Variants in ADAMTSL1 observed in about 807,000 individuals in gnomAD.
ADAMTSL1 encodes ADAMTS-like protein 1.
In ADAMTSL1, 126 loss-of-function variants were observed where a neutral mutation model predicts 201.8. The ratio of observed to expected loss-of-function variants is 0.62; its 90% CI spans 0.54 to 0.72. The LOEUF (loss-of-function observed/expected upper bound fraction) is 0.72, where lower values mean the gene tolerates loss of function less well. Among genes scored for constraint, ADAMTSL1 ranks in the 30% least tolerant of loss-of-function variants. The pLI, the probability that ADAMTSL1 is intolerant of heterozygous loss-of-function variation, is 0.00. For synonymous variants in ADAMTSL1, 1,121 were observed against 903.4 expected (o/e 1.24, Z -4.32); for missense variants, 2,679 against 2,277.8 (o/e 1.18, Z -3.59).
At chr9:18,783,220 G>C (rs1006501817) in intron 19 of ADAMTSL1, among the ~76,000 whole-genome samples, 4 of 152,196 alleles carry the variant, frequency 2.6e-5, no homozygotes, top group African/African-American at 9.6e-5. Flanking sequence ...AAACCTTCAA[G>C]TGCTGGTGTA....
chr9:18,099,326 AATATATATATATAT>A (rs71333027), intron 1 of ADAMTSL1, among the ~76,000 whole-genome samples: 7 of 57,590 alleles, frequency 1.2e-4, no homozygotes, highest in African/African-American at 4.8e-4. Context: ...GCAAATGGAA[AATATATATATATAT>A]ATATATATAT....
intron 3 of ADAMTSL1, among the ~76,000 whole-genome samples, chr9:18,547,922 C>G (rs1479001198): frequency 2.0e-5 from 3 of 151,654 alleles, no homozygotes; most frequent in East Asian, 3.9e-4. Context: ...AAAAGGAAAA[C>G]AAACAGCTTT....
At chr9:18,220,988 T>C (rs1830236514) in intron 2 of ADAMTSL1, among the ~76,000 whole-genome samples, 1 of 152,124 alleles carries the variant, frequency 6.6e-6, no homozygotes, top group Admixed American at 6.6e-5. Flanking sequence ...TTGCCCAGGC[T>C]GGTCTCAAAC....
chr9:18,146,970 T>C (rs1236105501), intron 1 of ADAMTSL1, among the ~76,000 whole-genome samples: 1 of 152,166 alleles, frequency 6.6e-6, no homozygotes, highest in Non-Finnish European at 1.5e-5. Flanking sequence ...TTTCTCCTTT[T>C]AGACTCTATC....
intron 18 of ADAMTSL1, 78 bp downstream of exon 18, chr9:18,775,974 C>T (rs1820961436): frequency 6.6e-7 from 1 of 1,520,030 alleles, no homozygotes. Context: ...CGTGGCCTTC[C>T]CTAAACTCAA....
rs976854639 is a variant in ADAMTSL1, at chr9:18,409,630, T to C, written c.208-95199T>C. Among the ~76,000 whole-genome samples, 4 of 151,034 alleles carry C rather than the reference T, an allele frequency of 2.6e-5. No homozygotes were observed. The East Asian group carries it at 7.9e-4, about 30-fold the overall frequency. Reference sequence around the variant, plus strand: ...GATATTCTCAGTTTAAACTGTTTTTTTGTGTTCTTTTCCTAGTTCTATTAT... The same window carrying C: ...GATATTCTCAGTTTAAACTGTTTTTCTGTGTTCTTTTCCTAGTTCTATTAT... On this transcript the variant is annotated intron_variant, in intron 2 of 29. Coordinates refer to the ADAMTSL1 transcript ENST00000680146.
intron 3 of ADAMTSL1, among the ~76,000 whole-genome samples, chr9:18,560,370 G>T (rs148999762): frequency 6.6e-6 from 1 of 152,230 alleles, no homozygotes; most frequent in African/African-American, 2.4e-5. Flanking sequence ...ACTTGTTCGT[G>T]GTGGATAAGC....
intron 1 of ADAMTSL1, among the ~76,000 whole-genome samples, chr9:17,926,399 G>A (rs530169694): frequency 1.3e-5 from 2 of 152,164 alleles, no homozygotes; most frequent in East Asian, 1.9e-4. Context: ...TCACCACTCG[G>A]CCACATCACC....
intron 2 of ADAMTSL1, among the ~76,000 whole-genome samples, chr9:18,351,040 T>C (rs1396204246): frequency 6.6e-6 from 1 of 152,156 alleles, no homozygotes; most frequent in Admixed American, 6.5e-5. Flanking sequence ...GAGACTTAGC[T>C]ATTTGTAACC....
At chr9:18,117,896 A>C (rs1427981890) in intron 1 of ADAMTSL1, among the ~76,000 whole-genome samples, 2 of 152,160 alleles carry the variant, frequency 1.3e-5, no homozygotes, top group Non-Finnish European at 2.9e-5. Context: ...TAGCCACATG[A>C]GGGTTACAAA....
intron 2 of ADAMTSL1, among the ~76,000 whole-genome samples, chr9:18,379,489 T>C (rs1405252500): frequency 6.6e-6 from 1 of 152,212 alleles, no homozygotes; most frequent in Non-Finnish European, 1.5e-5. Flanking sequence ...TTCTATTTTG[T>C]AGAATGGAAG....
intron 4 of ADAMTSL1, among the ~76,000 whole-genome samples, chr9:18,582,535 G>T (rs1394786107): frequency 1.3e-5 from 2 of 152,104 alleles, no homozygotes; most frequent in Non-Finnish European, 2.9e-5. Context: ...TGAGTCTCAT[G>T]AGATCTGATG....
intron 1 of ADAMTSL1, among the ~76,000 whole-genome samples, chr9:18,020,470 G>A (rs1285728400): frequency 3.3e-5 from 5 of 152,002 alleles, no homozygotes; most frequent in Non-Finnish European, 5.9e-5. Context: ...CCTGCCAACA[G>A]CCATGTGAGT....
At position 18,763,588 on chromosome 9, in the gene ADAMTSL1, AT is replaced by A. The variant is rs75523077; in HGVS notation, c.2218-7005del. Among the ~76,000 whole-genome samples, 151 of 151,320 alleles carry A rather than the reference AT, an allele frequency of 1.0e-3. 2 individuals are homozygous for A. The East Asian group carries it at 0.016, about 16-fold the overall frequency. On this transcript the variant is annotated intron_variant, in intron 16 of 28. Coordinates refer to ENST00000380548, the MANE Select transcript of ADAMTSL1 (RefSeq NM_001040272.6). ...GACCAATGTCCTGGAGATTCCCCCA[AT>A]TTTTTTTTGTAGTAGCCTCTTTGTT...
At chr9:17,966,705 A>G (rs900911195) in intron 1 of ADAMTSL1, among the ~76,000 whole-genome samples, 2 of 152,138 alleles carry the variant, frequency 1.3e-5, no homozygotes, top group Non-Finnish European at 1.5e-5. Context: ...TGGCCTTAAT[A>G]TTTATATCTC....
chr9:17,919,373 A>G (rs899105414), intron 1 of ADAMTSL1, among the ~76,000 whole-genome samples: 8 of 151,978 alleles, frequency 5.3e-5, no homozygotes, highest in African/African-American at 7.2e-5. Flanking sequence ...GTTCTGGTTC[A>G]TTGGTTTTTA....
intron 2 of ADAMTSL1, among the ~76,000 whole-genome samples, chr9:18,252,240 G>T (rs1292938908): frequency 1.3e-5 from 2 of 152,058 alleles, no homozygotes; most frequent in Non-Finnish European, 1.5e-5. Context: ...TAACTCAGTA[G>T]AAAAATAGGC....
chr9:18,019,629 T>G (rs901327891), intron 1 of ADAMTSL1, among the ~76,000 whole-genome samples: 2 of 152,066 alleles, frequency 1.3e-5, no homozygotes, highest in Non-Finnish European at 2.9e-5. Flanking sequence ...TGGAAGAATT[T>G]GTAGGATTGA....
chr9:18,530,043 C>T (rs761172460), intron 2 of ADAMTSL1, among the ~76,000 whole-genome samples: 8 of 152,046 alleles, frequency 5.3e-5, no homozygotes, highest in South Asian at 2.1e-4. Flanking sequence ...GTTAAAATAT[C>T]GGGGAAAAGG....
Sources: gnomAD v4.1 joint callset for allele counts (sites outside exome capture counted in the v4.1 genomes callset) on GRCh38, gnomAD v4.1.1 for gene constraint, MANE v1.5 for transcripts, NCBI Gene and HGNC (gene_info 2026-07-23, HGNC 2026-07-21) for gene names.